Variants in DLC1 observed in about 807,000 individuals in gnomAD.
The protein encoded by DLC1 is DLC1 Rho GTPase activating protein.
A neutral mutation model predicts 140.3 loss-of-function variants in DLC1; 54 were observed. That is an observed-to-expected ratio of 0.38 (90% CI 0.31 to 0.48). The LOEUF is 0.48. Ranked by LOEUF, DLC1 falls within the 20% of genes least tolerant of loss-of-function variation. The probability of loss-of-function intolerance (pLI) is 0.96; values close to 1 mark genes in which losing one functional copy is unlikely to be tolerated. For synonymous variants in DLC1, 986 were observed against 728.1 expected, an observed-to-expected ratio of 1.35 and a Z score of -5.70; for missense variants, 2,536 against 1,907.0, an observed-to-expected ratio of 1.33 and a Z score of -6.14.
At chr8:13,312,648 T>A (rs146205727) in intron 4 of DLC1, among the ~76,000 whole-genome samples, 1 of 152,072 alleles carries the variant, frequency 6.6e-6, no homozygotes, top group Non-Finnish European at 1.5e-5. Flanking sequence ...AAAAAATGCC[T>A]ATTAAAATTA....
intron 1 of DLC1, among the ~76,000 whole-genome samples, chr8:13,523,574 A>G (rs1802824283): frequency 6.6e-6 from 1 of 152,218 alleles, no homozygotes; most frequent in African/African-American, 2.4e-5. Context: ...TTTAAAGTAC[A>G]AAATTAGATG....
chr8:13,305,348 T>G (rs765201535), intron 4 of DLC1, 46 bp from the exon 5 acceptor site: 1 of 1,525,924 alleles, frequency 6.6e-7, no homozygotes, highest in Non-Finnish European at 8.8e-7. Flanking sequence ...GGAAGAAACA[T>G]CAGAAAGCAT....
At chr8:13,244,504 G>A (rs75508435) in intron 5 of DLC1, among the ~76,000 whole-genome samples, 3 of 151,812 alleles carry the variant, frequency 2.0e-5, no homozygotes, top group Non-Finnish European at 4.4e-5. Context: ...TTGTTATGTT[G>A]CACGGGCTGG....
At chr8:13,379,295 C>G (rs1324507563) in intron 4 of DLC1, among the ~76,000 whole-genome samples, 1 of 152,154 alleles carries the variant, frequency 6.6e-6, no homozygotes, top group African/African-American at 2.4e-5. Flanking sequence ...TGAGACCCCA[C>G]AACAGTGCAG....
At chr8:13,247,427 G>C (rs1829812525) in intron 5 of DLC1, among the ~76,000 whole-genome samples, 1 of 152,194 alleles carries the variant, frequency 6.6e-6, no homozygotes, top group African/African-American at 2.4e-5. Context: ...AGGACTTCCA[G>C]TGTGCCAGGC....
chr8:13,462,561 G>A (rs1374052708), intron 2 of DLC1, among the ~76,000 whole-genome samples: 2 of 126,338 alleles, frequency 1.6e-5, no homozygotes, highest in African/African-American at 3.0e-5. Flanking sequence ...CCGCCACCAC[G>A]CCCAGCTATT....
chr8:13,334,648 G>A (rs953364210), intron 4 of DLC1, among the ~76,000 whole-genome samples: 4 of 152,100 alleles, frequency 2.6e-5, no homozygotes, highest in South Asian at 2.1e-4. Flanking sequence ...ACTTACTAAC[G>A]CATGGACTGG....
At chr8:13,464,326 T>C (rs1478863414) in intron 2 of DLC1, among the ~76,000 whole-genome samples, 10 of 152,176 alleles carry the variant, frequency 6.6e-5, no homozygotes, top group Admixed American at 6.5e-4. Context: ...CTCTTGACCA[T>C]GTGTTAGTTA....
At chr8:13,285,454 A>C (rs1472543466) in intron 5 of DLC1, among the ~76,000 whole-genome samples, 1 of 152,186 alleles carries the variant, frequency 6.6e-6, no homozygotes, top group African/African-American at 2.4e-5. Context: ...GACTTGTAGA[A>C]GTTTTCTAAT....
At chr8:13,464,778 A>AATATATAATATATTATATAT (rs1406491519) in intron 2 of DLC1, among the ~76,000 whole-genome samples, 6 of 130,012 alleles carry the variant, frequency 4.6e-5, no homozygotes, top group African/African-American at 1.6e-4. Flanking sequence ...ATATATATAT[A>AATATATAATATATTATATAT]TATATATATA....
At chr8:13,167,370 T>G (rs1825176061) in intron 5 of DLC1, among the ~76,000 whole-genome samples, 1 of 152,198 alleles carries the variant, frequency 6.6e-6, no homozygotes. Flanking sequence ...TAAGCGACTC[T>G]GATTACACAG....
At chr8:13,398,512 C>G (rs543239392) in intron 3 of DLC1, among the ~76,000 whole-genome samples, 2 of 151,464 alleles carry the variant, frequency 1.3e-5, no homozygotes, top group Admixed American at 1.3e-4. Context: ...TGCTTATAAT[C>G]CCAACACATT....
At chr8:13,456,012 A>C (rs1241138233) in intron 2 of DLC1, among the ~76,000 whole-genome samples, 2 of 152,248 alleles carry the variant, frequency 1.3e-5, no homozygotes, top group Non-Finnish European at 2.9e-5. Context: ...TTGCTAATTC[A>C]ACAAGTGTTG....
intron 2 of DLC1, among the ~76,000 whole-genome samples, chr8:13,453,544 A>G (rs1379976405): frequency 2.3e-5 from 1 of 42,784 alleles, no homozygotes; most frequent in African/African-American, 1.3e-4. Flanking sequence ...ATATACATAT[A>G]TATATATATA....
chr8:13,105,327 T>C (rs1819471485), intron 7 of DLC1, among the ~76,000 whole-genome samples: 2 of 152,214 alleles, frequency 1.3e-5, no homozygotes, highest in African/African-American at 4.8e-5. Flanking sequence ...TGCTGGGACC[T>C]TATTTCCTTA....
chr8:13,438,999 A>G (rs1282364434), intron 2 of DLC1, among the ~76,000 whole-genome samples: 1 of 152,194 alleles, frequency 6.6e-6, no homozygotes, highest in Non-Finnish European at 1.5e-5. Context: ...TATACAAATA[A>G]TTGTGCCTGT....
At chr8:13,372,759 G>C (rs1563293068) in intron 4 of DLC1, among the ~76,000 whole-genome samples, 1 of 152,088 alleles carries the variant, frequency 6.6e-6, no homozygotes, top group African/African-American at 2.4e-5. Context: ...ATTTTCTTTA[G>C]CACAAGAGTT....
chr8:13,142,102 C>T (rs1823042314), intron 5 of DLC1, among the ~76,000 whole-genome samples: 1 of 152,198 alleles, frequency 6.6e-6, no homozygotes, highest in South Asian at 2.1e-4. Context: ...TACACAGTCG[C>T]TCCTGCCGCC....
chr8:13,318,053 G>A (rs1034898797), intron 4 of DLC1, among the ~76,000 whole-genome samples: 5 of 151,936 alleles, frequency 3.3e-5, no homozygotes, highest in Non-Finnish European at 7.4e-5. Context: ...TTAGAGACAG[G>A]GTCTTTTTGT....
Sources: allele counts gnomAD v4.1 joint callset (sites outside exome capture counted in the v4.1 genomes callset), GRCh38; gene constraint gnomAD v4.1.1; transcripts MANE v1.5; gene names NCBI Gene and HGNC (gene_info 2026-07-23, HGNC 2026-07-21).